Variants in RBFOX1 observed in about 807,000 individuals in gnomAD.
RBFOX1 encodes RNA binding fox-1 homolog 1, also known as RNA binding protein fox-1 homolog 1.
A neutral mutation model predicts 57.7 loss-of-function variants in RBFOX1; 8 were observed. That is an observed-to-expected ratio of 0.14 (90% CI 0.08 to 0.25). The LOEUF is 0.25. RBFOX1 is among the 10% of genes least tolerant of loss of function. RBFOX1 has a pLI of 1.00. For synonymous variants in RBFOX1, 326 were observed against 222.4 expected, an observed-to-expected ratio of 1.47 and a Z score of -4.15; for missense variants, 611 against 548.5, an observed-to-expected ratio of 1.11 and a Z score of -1.14.
intron 3 of RBFOX1, among the ~76,000 whole-genome samples, chr16:6,891,593 G>C (rs947406271): frequency 6.6e-5 from 10 of 152,150 alleles, no homozygotes; most frequent in African/African-American, 1.9e-4. Context: ...GCATTCCTCA[G>C]CACCATTGTT....
chr16:7,273,418 T>G (rs2095378791), intron 4 of RBFOX1, among the ~76,000 whole-genome samples: 1 of 152,126 alleles, frequency 6.6e-6, no homozygotes, highest in South Asian at 2.1e-4. Context: ...CTTTCTAGCT[T>G]CTAATCTAAA....
chr16:7,073,747 C>T (rs1260083390), intron 4 of RBFOX1, among the ~76,000 whole-genome samples: 2 of 151,908 alleles, frequency 1.3e-5, no homozygotes, highest in African/African-American at 4.8e-5. Flanking sequence ...CCCTTGGTAC[C>T]AGTTACTCAG....
chr16:6,384,494 C>G (rs2092100634), intron 2 of RBFOX1, among the ~76,000 whole-genome samples: 1 of 152,076 alleles, frequency 6.6e-6, no homozygotes, highest in African/African-American at 2.4e-5. Context: ...TCCTTTCTAT[C>G]TAACATAAGT....
Position 6,226,200 on chromosome 16 carries a change from A to T in RBFOX1, c.-126-90795A>T, listed in dbSNP as rs1389432052. Among the ~76,000 whole-genome samples, 6 of 109,674 alleles carry T rather than the reference A, an allele frequency of 5.5e-5. No individual in the cohort carries two copies. The Middle Eastern group carries it at 0.015, about 271-fold the overall frequency. The allele number at this position is 109,674 out of a possible 152,430, so 72.0% of individuals were successfully genotyped here. On this transcript the variant is annotated intron_variant, in intron 1 of 15. Transcript: ENST00000550418. ...TGGTGAAACCCAGTCTGTACTAAAA[A>T]TACAAAAAAAAAAAAAAAAAAAATT...
At chr16:5,317,513 G>A (rs1423133167) in intron 1 of RBFOX1, among the ~76,000 whole-genome samples, 2 of 152,160 alleles carry the variant, frequency 1.3e-5, no homozygotes, top group South Asian at 2.1e-4. Flanking sequence ...GGAGACTGAG[G>A]AACGAGAATC....
chr16:6,816,608 C>A (rs59274982), intron 3 of RBFOX1, among the ~76,000 whole-genome samples: 8 of 151,244 alleles, frequency 5.3e-5, no homozygotes, highest in Non-Finnish European at 1.0e-4. Context: ...GGCGTGGTGG[C>A]GGGCACCTGT....
chr16:7,418,953 G>A (rs932475609), intron 4 of RBFOX1, among the ~76,000 whole-genome samples: 5 of 152,092 alleles, frequency 3.3e-5, no homozygotes, highest in African/African-American at 9.7e-5. Context: ...CACCCAGGTT[G>A]GAGTGCAGTG....
At chr16:7,015,098 C>T (rs555291672) in intron 3 of RBFOX1, among the ~76,000 whole-genome samples, 3 of 152,230 alleles carry the variant, frequency 2.0e-5, no homozygotes, top group Admixed American at 6.5e-5. Flanking sequence ...ATAGCATAAA[C>T]TTGGGGTCTG....
intron 3 of RBFOX1, among the ~76,000 whole-genome samples, chr16:5,624,594 C>G (rs1477985030): frequency 6.6e-6 from 1 of 152,224 alleles, no homozygotes; most frequent in South Asian, 2.1e-4. Context: ...TGTTCCTCAT[C>G]CCCCACCTGG....
intron 4 of RBFOX1, among the ~76,000 whole-genome samples, chr16:7,159,410 G>C (rs569392384): frequency 3.9e-5 from 6 of 152,038 alleles, no homozygotes; most frequent in African/African-American, 1.4e-4. Flanking sequence ...ATCAGAAACG[G>C]GACAGGATTA....
At chr16:6,228,683 G>A (rs59809529) in intron 1 of RBFOX1, among the ~76,000 whole-genome samples, 28,687 of 151,974 alleles carry the variant, frequency 0.19, 3,364 homozygotes, top group East Asian at 0.41. Context: ...GTTGTTGGTC[G>A]GGTACAAAAT....
intron 4 of RBFOX1, among the ~76,000 whole-genome samples, chr16:7,452,986 G>A (rs1245654277): frequency 6.6e-6 from 1 of 151,942 alleles, no homozygotes; most frequent in Non-Finnish European, 1.5e-5. Context: ...AAAATTAGCA[G>A]GGCATGGTGG....
At position 6,578,235 on chromosome 16, in the gene RBFOX1, T is replaced by C. The variant is rs148120456; in HGVS notation, c.-63-76368T>C. On this transcript the variant is annotated intron_variant, in intron 2 of 15. Transcript: ENST00000550418. ...GTGATAAGGGAATGTGAGAAAACTT[T>C]TGCAAGTCATCACAAAACACTTTTT... is the stretch of plus-strand genomic sequence containing the variant. Among the ~76,000 whole-genome samples, 16 of 152,298 alleles carry C rather than the reference T, an allele frequency of 1.1e-4. No homozygotes were observed. In the South Asian group the frequency reaches 1.2e-3, roughly 12 times the overall value.
chr16:6,309,512 C>A (rs954758367), intron 1 of RBFOX1, among the ~76,000 whole-genome samples: 1 of 152,138 alleles, frequency 6.6e-6, no homozygotes, highest in East Asian at 1.9e-4. Context: ...GAGCTGGTGG[C>A]AGAGTGCGCC....
intron 2 of RBFOX1, among the ~76,000 whole-genome samples, chr16:6,459,915 C>T (rs141493669): frequency 0.033 from 4,237 of 129,898 alleles, 173 homozygotes; most frequent in African/African-American, 0.11. Context: ...ACCTGAGAGG[C>T]GGAGGTTGTG....
chr16:5,496,363 G>A (rs1287045437), intron 2 of RBFOX1, among the ~76,000 whole-genome samples: 6 of 152,238 alleles, frequency 3.9e-5, no homozygotes, highest in South Asian at 2.1e-4. Flanking sequence ...TAGCCCTCCT[G>A]TACCATAATA....
At chr16:6,794,107 C>T (rs777293481) in intron 3 of RBFOX1, among the ~76,000 whole-genome samples, 1 of 152,016 alleles carries the variant, frequency 6.6e-6, no homozygotes, top group Non-Finnish European at 1.5e-5. Context: ...GTTTAGGGAG[C>T]ATGGGATGAG....
At chr16:5,878,602 G>C (rs976107593) in intron 4 of RBFOX1, among the ~76,000 whole-genome samples, 1 of 152,132 alleles carries the variant, frequency 6.6e-6, no homozygotes, top group East Asian at 1.9e-4. Flanking sequence ...ATACACTTTG[G>C]AGAAACTTCG....
chr16:6,217,174 C>CTTTTTTTTTTTTTTTTTTTTTTTTTT (rs71142697), intron 1 of RBFOX1, among the ~76,000 whole-genome samples: 3 of 119,060 alleles, frequency 2.5e-5, no homozygotes, highest in Non-Finnish European at 3.3e-5. Context: ...TTAGGGGATT[C>CTTTTTTTTTTTTTTTTTTTTTTTTTT]TTTTTTTTTT....
Sources: allele counts gnomAD v4.1 joint callset (sites outside exome capture counted in the v4.1 genomes callset), GRCh38; gene constraint gnomAD v4.1.1; transcripts MANE v1.5; gene names NCBI Gene and HGNC (gene_info 2026-07-23, HGNC 2026-07-21).